Variants in FUT8 observed in about 807,000 individuals in gnomAD.
The protein encoded by FUT8 is alpha-(1,6)-fucosyltransferase.
In FUT8, 29 loss-of-function variants were observed where a neutral mutation model predicts 71.3. That is an observed-to-expected ratio of 0.41 (90% CI 0.30 to 0.55). FUT8 has a LOEUF of 0.55. Ranked by LOEUF, FUT8 falls within the 20% of genes least tolerant of loss-of-function variation. The pLI is 0.34. For synonymous variants in FUT8, 254 were observed against 239.3 expected (o/e 1.06, Z -0.57); for missense variants, 544 against 702.1 (o/e 0.77, Z 2.55).
intron 1 of FUT8, among the ~76,000 whole-genome samples, chr14:65,418,421 A>G (rs928190076): frequency 6.6e-6 from 1 of 152,236 alleles, no homozygotes; most frequent in African/African-American, 2.4e-5. Context: ...TGGTTAGAGT[A>G]TAAACAATAT....
chr14:65,602,416 ACT>A, intron 3 of FUT8, among the ~76,000 whole-genome samples: 1 of 139,656 alleles, frequency 7.2e-6, no homozygotes. Flanking sequence ...TTCTTTATCC[ACT>A]CATTGATTGA....
At chr14:65,545,343 A>T (rs1884926872) in intron 2 of FUT8, among the ~76,000 whole-genome samples, 1 of 152,010 alleles carries the variant, frequency 6.6e-6, no homozygotes, top group African/African-American at 2.4e-5. Flanking sequence ...GGATTGGATT[A>T]TGTATGTACT....
intron 2 of FUT8, among the ~76,000 whole-genome samples, chr14:65,463,654 T>G (rs1199852111): frequency 6.6e-6 from 1 of 152,144 alleles, no homozygotes; most frequent in Non-Finnish European, 1.5e-5. Flanking sequence ...TTTTGATGAT[T>G]GTTGGGAAGA....
chr14:65,626,380 G>A (rs1348541029), intron 5 of FUT8, among the ~76,000 whole-genome samples: 1 of 152,174 alleles, frequency 6.6e-6, no homozygotes, highest in Admixed American at 6.5e-5. Flanking sequence ...TGAGAAATTG[G>A]TATGTCTGGC....
At chr14:65,654,662 C>A (rs1891580236) in intron 6 of FUT8, among the ~76,000 whole-genome samples, 1 of 151,602 alleles carries the variant, frequency 6.6e-6, no homozygotes, top group African/African-American at 2.4e-5. Flanking sequence ...GGAACCATTT[C>A]TGTAGTTCCT....
At chr14:65,580,214 A>G (rs1353186912) in intron 3 of FUT8, among the ~76,000 whole-genome samples, 2 of 151,432 alleles carry the variant, frequency 1.3e-5, no homozygotes, top group Non-Finnish European at 1.5e-5. Context: ...TGTGTACTAC[A>G]TACCTAGGGT....
rs1342149105 is a variant in FUT8, at chr14:65,652,996, A to G, written c.598-16247A>G. Among the ~76,000 whole-genome samples the G allele has an allele frequency of 1.3e-5, 2 of 152,196 alleles. No homozygotes were observed. The highest frequency in any genetic ancestry group is 4.8e-5 in the African/African-American group (2 of 41,438). ...TTTTTACAAGGTAGCTGAGGGCTCC[A>G]AAGGTAGTCACTTCAAGAGGCAGAG... On this transcript the variant is annotated intron_variant, in intron 6 of 10. Transcript: ENST00000673929. The surrounding 1 kb of genome is among the most constrained non-coding windows in gnomAD (Gnocchi z 4.0).
intron 3 of FUT8, among the ~76,000 whole-genome samples, chr14:65,599,134 C>T (rs748863379): frequency 6.6e-6 from 1 of 152,092 alleles, no homozygotes; most frequent in Non-Finnish European, 1.5e-5. Flanking sequence ...TTAATTTCTG[C>T]CTGAGCCTTG....
chr14:65,737,324 A>G (rs926086492), intron 10 of FUT8, among the ~76,000 whole-genome samples: 2 of 152,140 alleles, frequency 1.3e-5, no homozygotes, highest in Non-Finnish European at 2.9e-5. Flanking sequence ...TGAATAGCAC[A>G]GTCCTCAGGA....
intron 2 of FUT8, among the ~76,000 whole-genome samples, chr14:65,545,174 A>C (rs527267225): frequency 7.9e-5 from 12 of 152,190 alleles, no homozygotes; most frequent in Non-Finnish European, 5.9e-5. Flanking sequence ...TTACATTAAT[A>C]AACACATTAT....
At chr14:65,624,350 G>C (rs1237200517) in intron 5 of FUT8, among the ~76,000 whole-genome samples, 1 of 151,194 alleles carries the variant, frequency 6.6e-6, no homozygotes, top group Non-Finnish European at 1.5e-5. Flanking sequence ...TCTAGGTAGA[G>C]ACAGATGAAT....
chr14:65,362,813 T>A, the FUT8 span, among the ~76,000 whole-genome samples: 1 of 151,728 alleles, frequency 6.6e-6, no homozygotes, highest in South Asian at 2.1e-4. Context: ...ATACAAAAAA[T>A]TAGCCGGGCG....
chr14:65,378,711 T>C, the FUT8 span, among the ~76,000 whole-genome samples: 9 of 152,200 alleles, frequency 5.9e-5, no homozygotes, highest in Admixed American at 2.0e-4. Flanking sequence ...ATAAGTCTAC[T>C]AGAAGATTAG....
chr14:65,656,102 G>C lies in FUT8; in HGVS notation c.598-13141G>C, dbSNP rs59330837. Among the ~76,000 whole-genome samples, 1,422 of 152,062 alleles carry C rather than the reference G, an allele frequency of 9.4e-3. 21 individuals are homozygous for C. The highest frequency in any genetic ancestry group is 0.033 in the African/African-American group (1,354 of 41,478). ...ATTCAACATAGTGCTGATTACTCTA[G>C]GTAGAGTAATCAGACAAGAGAAAGA... On this transcript the variant is annotated intron_variant, in intron 6 of 10. Transcript: ENST00000673929.
intron 3 of FUT8, among the ~76,000 whole-genome samples, chr14:65,578,534 T>G (rs541845218): frequency 6.6e-6 from 1 of 152,316 alleles, no homozygotes; most frequent in South Asian, 2.1e-4. Flanking sequence ...TAAACTTTCT[T>G]AAAACGTTAT....
intron 3 of FUT8, among the ~76,000 whole-genome samples, chr14:65,588,909 G>A (rs1234590974): frequency 6.6e-6 from 1 of 152,114 alleles, no homozygotes; most frequent in Non-Finnish European, 1.5e-5. Context: ...CTGCAATTCA[G>A]GCATCCACTA....
At chr14:65,416,768 A>ATTT (rs763100202) in intron 1 of FUT8, among the ~76,000 whole-genome samples, 6 of 129,244 alleles carry the variant, frequency 4.6e-5, no homozygotes, top group Non-Finnish European at 8.3e-5. Context: ...ATTTTCTTTA[A>ATTT]TTTTTTTTTT....
At chr14:65,412,729 C>A (rs905064691), upstream of FUT8, 15 of 174,216 alleles carry the variant, frequency 8.6e-5, no homozygotes, top group Non-Finnish European at 1.2e-4. Flanking sequence ...CGCGCTCCCC[C>A]ATTCGCGCGC....
At chr14:65,398,685 G>A in the FUT8 span, among the ~76,000 whole-genome samples, 1 of 151,172 alleles carries the variant, frequency 6.6e-6, no homozygotes, top group Non-Finnish European at 1.5e-5. Context: ...AGCTGAGATC[G>A]CATCACTGCA....
Sources: allele counts gnomAD v4.1 joint callset (sites outside exome capture counted in the v4.1 genomes callset), GRCh38; gene constraint gnomAD v4.1.1; non-coding constraint Gnocchi (gnomAD v3.1); transcripts MANE v1.5; gene names NCBI Gene and HGNC (gene_info 2026-07-23, HGNC 2026-07-21).